The following KAT14 variants were observed in gnomAD, a reference collection of about 807,000 sequenced individuals.
KAT14 encodes lysine acetyltransferase 14, also known as cysteine-rich protein 2-binding protein.
A neutral mutation model predicts 78.4 loss-of-function variants in KAT14; 66 were observed. The observed-to-expected ratio is 0.84, with a 90% CI of 0.69 to 1.03. The LOEUF (loss-of-function observed/expected upper bound fraction) is 1.03, where lower values mean the gene tolerates loss of function less well. Among genes scored for constraint, KAT14 ranks in the 50% least tolerant of loss-of-function variants. KAT14 has a pLI of 0.00. For missense variants in KAT14, 870 were observed against 972.5 expected (o/e 0.89, Z 1.40); for synonymous variants, 344 against 359.4 (o/e 0.96, Z 0.48).
intron 3 of KAT14, among the ~76,000 whole-genome samples, chr20:18,149,777 C>T (rs1473370723): frequency 6.6e-6 from 1 of 151,914 alleles, no homozygotes; most frequent in Admixed American, 6.6e-5. Context: ...GTTTGAAACC[C>T]TGTCTCTACT....
intron 1 of KAT14, among the ~76,000 whole-genome samples, chr20:18,138,764 C>T (rs535625488): frequency 1.3e-5 from 2 of 152,092 alleles, no homozygotes; most frequent in Non-Finnish European, 2.9e-5. Flanking sequence ...CTATTCTGTC[C>T]TCTCAGTTCA....
At chr20:18,164,243 T>G (rs1261188569) in intron 7 of KAT14, among the ~76,000 whole-genome samples, 1 of 152,180 alleles carries the variant, frequency 6.6e-6, no homozygotes, top group African/African-American at 2.4e-5. Flanking sequence ...GCCCATCGTT[T>G]AGGAGGTAAA....
chr20:18,177,436 C>T (rs967345447), intron 7 of KAT14, among the ~76,000 whole-genome samples: 3 of 152,234 alleles, frequency 2.0e-5, no homozygotes, highest in Non-Finnish European at 4.4e-5. Context: ...CACCCAGCTT[C>T]AGTGGGTGGG....
At chr20:18,152,692 T>A (rs1335091394) in intron 4 of KAT14, among the ~76,000 whole-genome samples, 8 of 152,274 alleles carry the variant, frequency 5.3e-5, no homozygotes, top group African/African-American at 1.7e-4. Context: ...TGCCCTTAGT[T>A]AATAGAGTTT....
In KAT14 at chr20:18,145,228, CCT is replaced by C; in HGVS notation, c.260-4_260-3del. On this transcript the variant is annotated splice_region_variant and splice_polypyrimidine_tract_variant and intron_variant, in intron 2 of 10. Coordinates refer to ENST00000688188, the MANE Select transcript of KAT14 (RefSeq NM_001392073.1). ...CCATGATGTGACTTTTTGTTTTTCTCCTAGGTCAGCTGAGGGAACAGCTCAGT... is the reference window on the plus strand; with the variant it reads ...CCATGATGTGACTTTTTGTTTTTCTCAGGTCAGCTGAGGGAACAGCTCAGT... The C allele has an allele frequency of 6.2e-7, 1 of 1,612,532 alleles. No individual in the cohort carries two copies. The highest frequency in any genetic ancestry group is 1.3e-5 in the African/African-American group (1 of 74,886).
At chr20:18,170,800 G>T (rs969165795) in intron 7 of KAT14, among the ~76,000 whole-genome samples, 1 of 152,182 alleles carries the variant, frequency 6.6e-6, no homozygotes, top group African/African-American at 2.4e-5. Context: ...GCCTCCCAAA[G>T]TGCTGGGATT....
intron 7 of KAT14, among the ~76,000 whole-genome samples, chr20:18,178,308 A>G (rs951090322): frequency 1.3e-5 from 2 of 152,176 alleles, no homozygotes; most frequent in Non-Finnish European, 2.9e-5. Flanking sequence ...CCCCAAGACA[A>G]TCTCCATGGC....
chr20:18,165,163 GTTAA>G (rs2038595103), intron 7 of KAT14, among the ~76,000 whole-genome samples: 1 of 152,150 alleles, frequency 6.6e-6, no homozygotes, highest in Non-Finnish European at 1.5e-5. Context: ...GACTTACAGT[GTTAA>G]TTATTCTTTT....
intron 1 of KAT14, among the ~76,000 whole-genome samples, chr20:18,138,878 C>A (rs899125309): frequency 6.6e-6 from 1 of 152,218 alleles, no homozygotes; most frequent in Non-Finnish European, 1.5e-5. Flanking sequence ...AAACTCCACT[C>A]TTCCAGAGTC....
chr20:18,167,923 CT>C (rs1215144924), intron 7 of KAT14, among the ~76,000 whole-genome samples: 5 of 151,966 alleles, frequency 3.3e-5, no homozygotes, highest in South Asian at 2.1e-4. Context: ...GCACTTATCT[CT>C]TTTTTTCTTT....
At chr20:18,170,806 G>A (rs2038818952) in intron 7 of KAT14, among the ~76,000 whole-genome samples, 1 of 152,142 alleles carries the variant, frequency 6.6e-6, no homozygotes, top group Non-Finnish European at 1.5e-5. Context: ...CAAAGTGCTG[G>A]GATTACAGGC....
At chr20:18,138,322 C>T in intron 1 of KAT14, 1 of 1,152,622 alleles carries the variant, frequency 8.7e-7, no homozygotes, top group Non-Finnish European at 1.1e-6. Context: ...CTGAAGGGGC[C>T]TTGCTCCGCA....
At chr20:18,140,760 TAAGATCGTGCCATGGAGCC>T (rs1002992993) in intron 1 of KAT14, among the ~76,000 whole-genome samples, 2 of 127,484 alleles carry the variant, frequency 1.6e-5, no homozygotes, top group Non-Finnish European at 3.1e-5. Context: ...TGCAGTGAGC[TAAGATCGTGCCATGGAGCC>T]AAGATCTCCA....
chr20:18,145,321 G>A lies in KAT14; in HGVS notation c.348G>A (p.Gln116=). ...ATTGCTCAGCAGATGGCAAGGAGCA[G>A]TATGAAAGGCTGAAGCTGACATGGC... The part of the protein sequence containing the change: ...CSDCSADGKE[Q]YERLKLTWQQ... The change falls in exon 3 of 11, where the codon CAG becomes CAA. Residue 116 remains glutamine, a synonymous_variant. Coordinates refer to ENST00000688188, the MANE Select transcript of KAT14 (RefSeq NM_001392073.1). 6.2e-7 allele frequency: 1 copy of A among 1,614,230 alleles called. No homozygotes were observed. Among genetic ancestry groups the A allele is most frequent in the Non-Finnish European group, 8.5e-7 (1 of 1,180,038 alleles).
chr20:18,161,781 C>T, intron 5 of KAT14, 42 bp from the exon 6 acceptor site: 1 of 1,571,222 alleles, frequency 6.4e-7, no homozygotes, highest in Admixed American at 2.0e-5. Context: ...CCAAGCATTT[C>T]AGATGAGGGA....
At chr20:18,163,996 A>G (rs1029794574) in intron 7 of KAT14, among the ~76,000 whole-genome samples, 2 of 152,114 alleles carry the variant, frequency 1.3e-5, no homozygotes, top group African/African-American at 2.4e-5. Context: ...CTCATTCGGA[A>G]CTCTTCAACT....
intron 7 of KAT14, among the ~76,000 whole-genome samples, chr20:18,174,956 C>T (rs1166597264): frequency 6.6e-6 from 1 of 152,024 alleles, no homozygotes; most frequent in Non-Finnish European, 1.5e-5. Context: ...TGAGCCACCG[C>T]GCCCGGCGAT....
At chr20:18,155,045 C>T (rs1414902785) in intron 4 of KAT14, among the ~76,000 whole-genome samples, 1 of 152,166 alleles carries the variant, frequency 6.6e-6, no homozygotes, top group East Asian at 1.9e-4. Flanking sequence ...CCACCATGCA[C>T]GACTAATTTT....
intron 3 of KAT14, among the ~76,000 whole-genome samples, chr20:18,146,698 T>G (rs1254015517): frequency 2.0e-5 from 3 of 151,840 alleles, no homozygotes; most frequent in Admixed American, 1.3e-4. Context: ...AAAAATTAGC[T>G]GAATGTGGTG....
Sources: gnomAD v4.1 joint callset for allele counts (sites outside exome capture counted in the v4.1 genomes callset) on GRCh38, gnomAD v4.1.1 for gene constraint, MANE v1.5 for transcripts, NCBI Gene and HGNC (gene_info 2026-07-23, HGNC 2026-07-21) for gene names.